The following RPS3A variants were observed in gnomAD, a reference collection of about 807,000 sequenced individuals.
RPS3A encodes small ribosomal subunit protein eS1.
Under a neutral mutation model 26.4 loss-of-function variants are expected in RPS3A, and 1 was observed. The ratio of observed to expected loss-of-function variants is 0.04; its 90% CI spans 0.01 to 0.18. The LOEUF (loss-of-function observed/expected upper bound fraction) is 0.18. Ranked by LOEUF, RPS3A falls within the 10% of genes least tolerant of loss-of-function variation. The pLI is 1.00. For synonymous variants in RPS3A, 97 were observed against 106.1 expected (o/e 0.91, Z 0.53); for missense variants, 139 against 326.8 (o/e 0.43, Z 4.43).
At chr4:151,103,129 A>T (rs1382487270) in intron 4 of RPS3A, 50 bp downstream of exon 4, 44 of 1,561,954 alleles carry the variant, frequency 2.8e-5, no homozygotes, top group Non-Finnish European at 3.5e-5. Context: ...GTATTGGATT[A>T]TTCCTGAGAT....
intron 4 of RPS3A, chr4:151,103,506 C>CTA: frequency 1.1e-6 from 1 of 944,198 alleles, no homozygotes; most frequent in Non-Finnish European, 1.2e-6. Flanking sequence ...TCTGCCAGTA[C>CTA]TCTAAATGAT....
chr4:151,104,138 A>G, intron 4 of RPS3A, 39 bp from the exon 5 acceptor site: 1 of 1,585,920 alleles, frequency 6.3e-7, no homozygotes, highest in Non-Finnish European at 8.5e-7. Context: ...TCTGAGAACT[A>G]GGACTTTTAG....
chr4:151,104,439 G>GCTTTTTTTTTT, intron 5 of RPS3A, 33 bp from the exon 6 acceptor site: 1 of 710,330 alleles, frequency 1.4e-6, no homozygotes, highest in East Asian at 6.3e-5. Flanking sequence ...CAGTTTTTTG[G>GCTTTTTTTTTT]TTTTTTTTTT....
intron 4 of RPS3A, chr4:151,103,939 AGGCTTG>A (rs1421559273): frequency 2.0e-6 from 3 of 1,517,610 alleles, no homozygotes; most frequent in Non-Finnish European, 2.7e-6. Context: ...AAAAAGCATA[AGGCTTG>A]GACTCAGAAG....
chr4:151,101,813 ACCT>A (rs988409611), intron 3 of RPS3A, among the ~76,000 whole-genome samples: 28 of 151,884 alleles, frequency 1.8e-4, no homozygotes, highest in African/African-American at 5.6e-4. Flanking sequence ...GCTCACTGCA[ACCT>A]CCTCCTCCTG....
At chr4:151,104,324 A>G (rs1407467118) in intron 5 of RPS3A, 38 bp downstream of exon 5, 1 of 1,600,272 alleles carries the variant, frequency 6.2e-7, no homozygotes, top group Non-Finnish European at 8.5e-7. Flanking sequence ...AGGGCCAAAT[A>G]CATTGTTTTT....
At position 151,100,479 on chromosome 4, in the gene RPS3A, A is replaced by C. The variant is rs73859998; in HGVS notation, c.63-6A>C. 564 of 1,507,194 alleles carry C rather than the reference A, an allele frequency of 3.7e-4. 5 individuals carry two copies. The South Asian group carries it at 6.2e-3, about 17-fold the overall frequency. 93.4% of individuals were successfully genotyped at this position (1,507,194 alleles called of 1,614,324 possible). On this transcript the variant is annotated splice_polypyrimidine_tract_variant and splice_region_variant and intron_variant, in intron 1 of 5. Transcript: ENST00000274065. The stretch of plus-strand genomic sequence containing the variant: ...AATGGAACTTAAGCATCTTCTTAAA[A>C]TCCAGGGTTGATCCATTTTCTAAGA...
chr4:151,103,660 A>G, intron 4 of RPS3A: 1 of 1,075,624 alleles, frequency 9.3e-7, no homozygotes, highest in South Asian at 2.4e-5. Context: ...CCAGCTACTC[A>G]GGAGGCTGAG....
At chr4:151,099,827 G>C (rs1747035791) in intron 1 of RPS3A, 113 bp downstream of exon 1, 1 of 1,210,618 alleles carries the variant, frequency 8.3e-7, no homozygotes, top group Admixed American at 2.0e-5. Context: ...GATTGTGCGG[G>C]CCGTGGCGGG....
At chr4:151,101,488 G>A (rs1187382009) in intron 3 of RPS3A, among the ~76,000 whole-genome samples, 1 of 152,108 alleles carries the variant, frequency 6.6e-6, no homozygotes, top group Non-Finnish European at 1.5e-5. Flanking sequence ...GATGTTTTTT[G>A]ACCTCAGAAT....
intron 1 of RPS3A, chr4:151,099,919 T>C (rs901977290): frequency 1.8e-6 from 1 of 569,046 alleles, no homozygotes; most frequent in Non-Finnish European, 3.3e-6. Flanking sequence ...TTCTGGTCCT[T>C]GCGCGCGTCG....
chr4:151,102,404 AGT>A (rs531272985), intron 3 of RPS3A, among the ~76,000 whole-genome samples: 172 of 152,334 alleles, frequency 1.1e-3, no homozygotes, highest in Non-Finnish European at 1.2e-3. Flanking sequence ...CGTCTTTCAA[AGT>A]GTGCATTTAG....
intron 1 of RPS3A, among the ~76,000 whole-genome samples, chr4:151,100,153 A>G (rs977405597): frequency 5.9e-5 from 9 of 152,184 alleles, no homozygotes; most frequent in African/African-American, 9.7e-5. Flanking sequence ...TTACCAGTAC[A>G]TGCCATTACG....
intron 4 of RPS3A, chr4:151,103,318 TC>T: frequency 1.3e-6 from 1 of 742,860 alleles, no homozygotes. Context: ...ATTGTGATCC[TC>T]CTTGGCTCAC....
intron 1 of RPS3A, 170 bp from the exon 2 acceptor site, chr4:151,100,315 C>A: frequency 1.7e-6 from 1 of 581,140 alleles, no homozygotes; most frequent in Non-Finnish European, 3.1e-6. Flanking sequence ...GTGAAACGTA[C>A]AGTGGGAAGA....
intron 3 of RPS3A, chr4:151,101,975 T>C: frequency 2.1e-6 from 1 of 472,376 alleles, no homozygotes; most frequent in Non-Finnish European, 4.1e-6. Flanking sequence ...TCAAGTGATC[T>C]GCCCGCCTCA....
rs1747092042 is a variant in RPS3A, at chr4:151,100,966, CTT to C, written c.167-6_167-5del. On this transcript the variant is annotated splice_region_variant and splice_polypyrimidine_tract_variant and intron_variant, in intron 2 of 5. Transcript: ENST00000274065. ...TAAATGTTAAGATACTTGTTTTTTT[CTT>C]TTGTAGAAATTGCATCTGATGGTCT... 1 of 1,552,912 alleles carries C rather than the reference CTT, an allele frequency of 6.4e-7. No individual in the cohort carries two copies.
intron 3 of RPS3A, among the ~76,000 whole-genome samples, chr4:151,102,439 CA>C (rs2149704189): frequency 6.7e-6 from 1 of 149,092 alleles, no homozygotes; most frequent in East Asian, 2.0e-4. Flanking sequence ...CACCTATTTA[CA>C]ACACAGTTTT....
At chr4:151,102,069 CAA>C in intron 3 of RPS3A, 1 of 518,260 alleles carries the variant, frequency 1.9e-6, no homozygotes, top group Non-Finnish European at 3.9e-6. Flanking sequence ...TGAATGATGA[CAA>C]AATGTTTCAG....
Sources: allele counts gnomAD v4.1 joint callset (sites outside exome capture counted in the v4.1 genomes callset), GRCh38; gene constraint gnomAD v4.1.1; transcripts MANE v1.5; gene names NCBI Gene and HGNC (gene_info 2026-07-23, HGNC 2026-07-21).